CEBPZOS: variants seen among roughly 807,000 people sequenced by gnomAD.
CEBPZOS encodes the protein protein CEBPZOS.
A neutral mutation model predicts 4.8 loss-of-function variants in CEBPZOS; 10 were observed. The observed-to-expected ratio is 2.07, with a 90% CI of 1.28 to 3.52. The LOEUF (loss-of-function observed/expected upper bound fraction) is 3.52. Among genes scored for constraint, CEBPZOS ranks in the 30% most tolerant of loss-of-function variants. CEBPZOS has a pLI of 0.00. For missense variants in CEBPZOS, 98 were observed against 43.6 expected, an observed-to-expected ratio of 2.25 and a Z score of -3.51; for synonymous variants, 25 against 14.2, an observed-to-expected ratio of 1.77 and a Z score of -1.72.
downstream of CEBPZOS, chr2:37,204,767 A>G (rs1030065495): frequency 5.3e-5 from 8 of 152,216 alleles, no homozygotes; most frequent in African/African-American, 1.2e-4. Flanking sequence ...GTTTCAGTCA[A>G]TTCTGTTGGG....
At chr2:37,215,972 C>A, downstream of CEBPZOS, 1 of 455,690 alleles carries the variant, frequency 2.2e-6, no homozygotes, top group Non-Finnish European at 3.7e-6. Flanking sequence ...AAAAAAAGGC[C>A]CAGTCAGATA....
At chr2:37,204,773 T>C (rs1392640400), downstream of CEBPZOS, 1 of 152,232 alleles carries the variant, frequency 6.6e-6, no homozygotes, top group Non-Finnish European at 1.5e-5. Context: ...GTCAATTCTG[T>C]TGGGTATTCT....
downstream of CEBPZOS, among the ~76,000 whole-genome samples, chr2:37,207,369 C>T (rs530650210): frequency 1.7e-4 from 26 of 152,222 alleles, no homozygotes; most frequent in African/African-American, 4.3e-4. Flanking sequence ...CACCAGCACA[C>T]GGAGCATTCT....
downstream of CEBPZOS, chr2:37,214,980 C>T: frequency 7.2e-7 from 1 of 1,384,328 alleles, no homozygotes; most frequent in African/African-American, 1.4e-5. Context: ...AACATTTTAA[C>T]TTCATATAGC....
rs1044224375 is a variant in CEBPZOS at position 37,203,628 on chromosome 2, G to C, written c.*1768G>C. The stretch of plus-strand genomic sequence containing the variant: ...ATTCAGCTGTTTTAAGTGTATTAAC[G>C]CATTTTGGTAAATTTACAGACTTGT... On this transcript the variant is annotated 3_prime_UTR_variant, in exon 5 of 5. Transcript: ENST00000402297. The C allele has an allele frequency of 6.6e-6, 1 of 152,090 alleles. No individual in the cohort carries two copies. 9.4% of individuals were successfully genotyped at this position (152,090 alleles called of 1,614,324 possible). A position where few individuals can be genotyped will look rare whatever the true frequency, so the allele number is the denominator to read the frequency against.
chr2:37,200,392 ACAGTCTTCCT>A (rs1677160096), intron 2 of CEBPZOS, among the ~76,000 whole-genome samples: 1 of 152,102 alleles, frequency 6.6e-6, no homozygotes, highest in Non-Finnish European at 1.5e-5. Flanking sequence ...GAAACTTGCC[ACAGTCTTCCT>A]CAGCATACTT....
At chr2:37,198,143 G>C (rs1677040208) in intron 1 of CEBPZOS, among the ~76,000 whole-genome samples, 1 of 152,010 alleles carries the variant, frequency 6.6e-6, no homozygotes, top group Non-Finnish European at 1.5e-5. Context: ...CTGGGCGACA[G>C]AGCGAGACCG....
At chr2:37,198,014 G>C (rs1558458726) in intron 1 of CEBPZOS, among the ~76,000 whole-genome samples, 1 of 152,052 alleles carries the variant, frequency 6.6e-6, no homozygotes, top group Non-Finnish European at 1.5e-5. Flanking sequence ...CAAAAAATTT[G>C]CTGGGCCTGG....
downstream of CEBPZOS, among the ~76,000 whole-genome samples, chr2:37,214,552 A>G (rs1274857795): frequency 6.6e-6 from 1 of 152,184 alleles, no homozygotes; most frequent in Non-Finnish European, 1.5e-5. Flanking sequence ...AATTCCAAAA[A>G]GAAGCATAAA....
rs889695124 is a variant in CEBPZOS at position 37,202,173 on chromosome 2, C to G, written c.*313C>G. On this transcript the variant is annotated 3_prime_UTR_variant, in exon 5 of 5. Transcript: ENST00000402297. ...GCACTTTTACTGGTGAAATAAAAAC[C>G]AGTAACAATCAATATGTAAAAACGG... The G allele has an allele frequency of 2.4e-5, 6 of 245,692 alleles. No homozygotes were observed. Among genetic ancestry groups the G allele is most frequent in the African/African-American group, 1.4e-4 (6 of 44,162 alleles). 15.2% of individuals were successfully genotyped at this position (245,692 alleles called of 1,614,324 possible).
At chr2:37,207,372 A>G (rs1432754825), downstream of CEBPZOS, among the ~76,000 whole-genome samples, 2 of 152,228 alleles carry the variant, frequency 1.3e-5, no homozygotes, top group Admixed American at 6.5e-5. Flanking sequence ...CAGCACACGG[A>G]GCATTCTCAA....
chr2:37,201,171 A>G (rs1434360621), intron 3 of CEBPZOS, 79 bp downstream of exon 3: 1 of 675,266 alleles, frequency 1.5e-6, no homozygotes, highest in East Asian at 2.7e-5. Context: ...ATTTCTTTAC[A>G]AGGAATTTCT....
Position 37,201,850 on chromosome 2 carries a change from C to A in CEBPZOS, c.*3-13C>A, listed in dbSNP as rs534443487. On this transcript the variant is annotated splice_polypyrimidine_tract_variant and intron_variant, in intron 4 of 4. Coordinates refer to ENST00000402297, the MANE Select transcript of CEBPZOS (RefSeq NM_001322374.2). ...TTTTTCTTGATGATACTTTTTGCAT[C>A]TCTGTTGTGTAGCCAGTCATCACGT... The A allele has an allele frequency of 6.2e-7, 1 of 1,613,364 alleles. No individual in the cohort carries two copies. The highest frequency in any genetic ancestry group is 1.7e-5 in the Admixed American group (1 of 59,994).
downstream of CEBPZOS, chr2:37,213,783 G>T: frequency 1.1e-6 from 1 of 888,376 alleles, no homozygotes; most frequent in Non-Finnish European, 1.7e-6. Flanking sequence ...TAAAACTAAG[G>T]CCACTTCTCC....
chr2:37,215,040 G>C (rs577211983), downstream of CEBPZOS: 1 of 826,888 alleles, frequency 1.2e-6, no homozygotes, highest in South Asian at 1.5e-5. Flanking sequence ...AGCATAATCT[G>C]TAATTCTAAA....
Position 37,212,277 on chromosome 2 carries a change from G to C in CEBPZOS, c.*3-1160G>C. ...ATAGTTCTGTGGTCTACTGTTCTGAGGGACAACAATTTGGGAAATGCTAGA... is the reference window on the plus strand; with the variant it reads ...ATAGTTCTGTGGTCTACTGTTCTGACGGACAACAATTTGGGAAATGCTAGA... On this transcript the variant is annotated intron_variant, in intron 4 of 4. Coordinates refer to the CEBPZOS transcript ENST00000397064. The C allele has an allele frequency of 4.1e-6, 6 of 1,475,738 alleles. No homozygotes were observed. The South Asian group carries it at 5.7e-5, about 14-fold the overall frequency. 91.4% of individuals were successfully genotyped at this position (1,475,738 alleles called of 1,614,324 possible).
At chr2:37,213,368 G>C (rs944051590) in intron 4 of CEBPZOS, 3 of 152,698 alleles carry the variant, frequency 2.0e-5, no homozygotes, top group Admixed American at 1.3e-4. Flanking sequence ...GTATTTTTCT[G>C]GTGCAAATGT....
At chr2:37,213,167 T>C (rs1437732517) in intron 4 of CEBPZOS, among the ~76,000 whole-genome samples, 1 of 152,234 alleles carries the variant, frequency 6.6e-6, no homozygotes, top group Non-Finnish European at 1.5e-5. Context: ...TCAAAATTTC[T>C]GTAGCTCTGT....
downstream of CEBPZOS, among the ~76,000 whole-genome samples, chr2:37,215,669 A>C (rs904937742): frequency 3.3e-5 from 5 of 152,240 alleles, no homozygotes; most frequent in South Asian, 2.1e-4. Flanking sequence ...CAACAGACTC[A>C]GATCCAGAAG....
Sources: allele counts gnomAD v4.1 joint callset (sites outside exome capture counted in the v4.1 genomes callset), GRCh38; gene constraint gnomAD v4.1.1; transcripts MANE v1.5; gene names NCBI Gene and HGNC (gene_info 2026-07-23, HGNC 2026-07-21).